The following MYH2 variants were observed in gnomAD, a reference collection of about 807,000 sequenced individuals.
MYH2 encodes myosin-2.
In MYH2, 139 loss-of-function variants were observed where a neutral mutation model predicts 228.1. That is an observed-to-expected ratio of 0.61 (90% CI 0.53 to 0.70). The LOEUF (loss-of-function observed/expected upper bound fraction) is 0.70. MYH2 is among the 30% of genes least tolerant of loss of function. The probability of loss-of-function intolerance (pLI) is 0.00; values close to 1 mark genes in which losing one functional copy is unlikely to be tolerated. For synonymous variants in MYH2, 796 were observed against 871.1 expected (o/e 0.91, Z 1.52); for missense variants, 1,809 against 2,357.5 (o/e 0.77, Z 4.82).
chr17:10,541,322 AGGGGGAGGT>A (rs2073551177), intron 10 of MYH2, among the ~76,000 whole-genome samples: 1 of 152,156 alleles, frequency 6.6e-6, no homozygotes, highest in African/African-American at 2.4e-5. Context: ...ATGCGTTCCT[AGGGGGAGGT>A]CTCTAAAATG....
intron 39 of MYH2, among the ~76,000 whole-genome samples, chr17:10,521,880 T>G (rs986664216): frequency 9.2e-5 from 14 of 152,170 alleles, no homozygotes; most frequent in African/African-American, 3.1e-4. Flanking sequence ...AAATGGTTAC[T>G]TTTTTCCTCC....
chr17:10,526,698 A>T lies in MYH2; in HGVS notation c.4088T>A (p.Leu1363Gln). The stretch of plus-strand genomic sequence containing the variant: ...GTTGGCCTTGGACAGTGCTCTCTGC[A>T]GCTCGGCCTTGGATTCCTGCTCCTC... ...YEEEQESKAELQRALSKANTE... is the reference protein window; with the variant it reads ...YEEEQESKAEQQRALSKANTE... The change falls in exon 30 of 40, where the codon CTG becomes CAG. Residue 1363 changes from leucine (L) to glutamine (Q), a missense_variant. Coordinates refer to ENST00000245503, the MANE Select transcript of MYH2 (RefSeq NM_017534.6). 6.2e-7 allele frequency: 1 copy of T among 1,614,148 alleles called. No individual in the cohort carries two copies. The highest frequency in any genetic ancestry group is 8.5e-7 in the Non-Finnish European group (1 of 1,179,968).
chr17:10,538,277 T>C (rs1441460463), intron 14 of MYH2, among the ~76,000 whole-genome samples: 1 of 150,184 alleles, frequency 6.7e-6, no homozygotes, highest in Non-Finnish European at 1.5e-5. Context: ...AAGTGAACAA[T>C]AATTTGCCAC....
At position 10,525,010 on chromosome 17, in the gene MYH2, T is replaced by C. The variant is rs2073333007; in HGVS notation, c.4718A>G (p.Gln1573Arg). 1.2e-6 allele frequency: 2 copies of C among 1,614,024 alleles called. No homozygotes were observed. Among genetic ancestry groups the C allele is most frequent in the African/African-American group, 1.3e-5 (1 of 74,924 alleles). The change falls in exon 34 of 40, where the codon CAA becomes CGA. Residue 1573 changes from glutamine to arginine, a missense_variant. Coordinates refer to ENST00000245503, the MANE Select transcript of MYH2 (RefSeq NM_017534.6). The surrounding 1 kb of genome is among the most constrained non-coding windows in gnomAD (Gnocchi z 4.2). ...TTTCCTATCAACCTCAGACTTGACT[T>C]GGTTCAACTCAAGCTGGATGCGCAG... is the stretch of plus-strand genomic sequence containing the variant. ...KILRIQLELN[Q>R]VKSEVDRKIA...
Position 10,529,997 on chromosome 17 carries a change from G to C in MYH2, c.2775C>G (p.Ile925Met), listed in dbSNP as rs568381131. The stretch of plus-strand genomic sequence containing the variant: ...CCTCAGCTCTCTCAGTCACCTCTTT[G>C]ATTTTGGCTTCTAGCTGGATTTTGG... ...IKTKIQLEAK[I>M]KEVTERAEDE... is the part of the protein sequence containing the mutation. Residue 925 changes from isoleucine (I) to methionine (M), a missense_variant, in exon 23 of 40, where the codon ATC (isoleucine) becomes ATG (methionine). Ile to Met is a conservative substitution (Grantham distance 10, BLOSUM62 1). Coordinates refer to ENST00000245503, the MANE Select transcript of MYH2 (RefSeq NM_017534.6). 9.3e-6 allele frequency: 15 copies of C among 1,614,018 alleles called. No individual in the cohort carries two copies. The South Asian group carries it at 1.4e-4, about 15-fold the overall frequency.
intron 11 of MYH2, 106 bp from the exon 12 acceptor site, chr17:10,540,172 G>C: frequency 6.7e-7 from 1 of 1,484,682 alleles, no homozygotes; most frequent in South Asian, 1.1e-5. Flanking sequence ...GTGCTAATGG[G>C]AGACAAGGAA....
intron 14 of MYH2, among the ~76,000 whole-genome samples, chr17:10,538,129 G>A (rs2073504823): frequency 6.6e-6 from 1 of 152,082 alleles, no homozygotes; most frequent in Non-Finnish European, 1.5e-5. Context: ...TAATCATCCT[G>A]TGTTTATTCC....
intron 4 of MYH2, among the ~76,000 whole-genome samples, chr17:10,546,929 G>GTAA (rs2073642127): frequency 7.0e-6 from 1 of 143,490 alleles, no homozygotes; most frequent in East Asian, 2.0e-4. Context: ...AAAAAAATAC[G>GTAA]AAAAAAAAAA....
At chr17:10,535,593 C>T (rs759417519) in intron 17 of MYH2, among the ~76,000 whole-genome samples, 2 of 152,212 alleles carry the variant, frequency 1.3e-5, no homozygotes, top group Non-Finnish European at 2.9e-5. Context: ...AGCATCCTGG[C>T]ATGTGCTTCT....
At position 10,547,813 on chromosome 17, in the gene MYH2, T is replaced by A; in HGVS notation, c.108A>T (p.Thr36=). 6.2e-7 allele frequency: 1 copy of A among 1,614,160 alleles called. No homozygotes were observed. The highest frequency in any genetic ancestry group is 8.5e-7 in the Non-Finnish European group (1 of 1,180,040). ...CTTTGGGCTCCGCCACAAAGACAGA[T>A]GTTTTGGCATCAAAGGGCCTATTCT... ...EAQNRPFDAK[T]SVFVAEPKES... Residue 36 remains threonine, a synonymous_variant, in exon 3 of 40, where the codon ACA becomes ACT. Transcript: ENST00000245503.
At chr17:10,540,555 C>T in intron 11 of MYH2, 39 bp downstream of exon 11, 1 of 1,478,524 alleles carries the variant, frequency 6.8e-7, no homozygotes, top group Non-Finnish European at 9.5e-7. Context: ...ATTACTCTGA[C>T]CCACCATAAT....
Position 10,543,894 on chromosome 17 carries a change from A to G in MYH2, c.648+8T>C. The stretch of plus-strand genomic sequence containing the variant: ...AGTCTGGATTCTGACTGTGACAATC[A>G]GACTCACCTGTATTTTGCCAGAAGT... On this transcript the variant is annotated splice_region_variant and intron_variant, in intron 7 of 39. Transcript: ENST00000245503. 1 of 1,614,208 alleles carries G rather than the reference A, an allele frequency of 6.2e-7. No individual in the cohort carries two copies. Among genetic ancestry groups the G allele is most frequent in the Non-Finnish European group, 8.5e-7 (1 of 1,180,014 alleles).
At position 10,524,025 on chromosome 17, in the gene MYH2, G is replaced by T; in HGVS notation, c.5176-141C>A. 1.3e-6 allele frequency: 1 copy of T among 787,320 alleles called. No homozygotes were observed. Among genetic ancestry groups the T allele is most frequent in the Non-Finnish European group, 2.0e-6 (1 of 509,060 alleles). 48.8% of individuals were successfully genotyped at this position (787,320 alleles called of 1,614,324 possible). A position where few individuals can be genotyped will look rare whatever the true frequency, so the allele number is the denominator to read the frequency against. The stretch of plus-strand genomic sequence containing the variant: ...TTAAAGAATTAAAGGATTGTGTTAT[G>T]TAATATGATTAAATAAAATATAAAT... On this transcript the variant is annotated intron_variant, in intron 35 of 39. Coordinates refer to ENST00000245503, the MANE Select transcript of MYH2 (RefSeq NM_017534.6). This position sits in a 1 kb window ranked among gnomAD's most constrained non-coding sequence, Gnocchi z 4.7.
chr17:10,522,021 A>T (rs1170375210), intron 39 of MYH2, among the ~76,000 whole-genome samples: 1 of 152,154 alleles, frequency 6.6e-6, no homozygotes, highest in East Asian at 1.9e-4. Context: ...TTAGTAATTT[A>T]TCTTTGCTGT....
In MYH2 at chr17:10,543,722, A is replaced by T; in HGVS notation, c.730T>A (p.Ser244Thr). The stretch of plus-strand genomic sequence containing the variant: ...TCCAAGAGACTTACAAAGCGAGAGG[A>T]GTTGTCATTCCTCACGGTCTTGGCG... ...GNAKTVRNDN[S>T]SRFGKFIRIH... Residue 244 changes from serine (S) to threonine (T), a missense_variant, in exon 8 of 40, where the codon TCC becomes ACC. Ser to Thr is a moderately conservative substitution (Grantham distance 58). Around this residue, in one of 9 missense-constraint regions of MYH2, gnomAD observed 373 missense variants for 620.4 expected, o/e 0.60. Coordinates refer to ENST00000245503, the MANE Select transcript of MYH2 (RefSeq NM_017534.6). The T allele has an allele frequency of 6.2e-7, 1 of 1,614,164 alleles. No individual in the cohort carries two copies. The highest frequency in any genetic ancestry group is 8.5e-7 in the Non-Finnish European group (1 of 1,180,006).
At chr17:10,535,650 T>C (rs1002449918) in intron 17 of MYH2, among the ~76,000 whole-genome samples, 17 of 152,192 alleles carry the variant, frequency 1.1e-4, no homozygotes, top group South Asian at 6.2e-4. Context: ...TCCCTGGCCA[T>C]ACACATACAT....
rs757189497 is a variant in MYH2, at chr17:10,525,486, A to G, written c.4502T>C (p.Leu1501Pro). The G allele has an allele frequency of 6.2e-7, 1 of 1,614,196 alleles. No homozygotes were observed. Among genetic ancestry groups the G allele is most frequent in the Non-Finnish European group, 8.5e-7 (1 of 1,180,026 alleles). Reference sequence around the variant, plus strand: ...TTTGTTCTCTCGCTTCAGGGTTTCTAGCTGATCCAAAGATTCCTCATAGGC... The same window carrying G: ...TTTGTTCTCTCGCTTCAGGGTTTCTGGCTGATCCAAAGATTCCTCATAGGC... ...KNAYEESLDQ[L>P]ETLKRENKNL... Residue 1501 changes from leucine (L) to proline (P), a missense_variant, in exon 32 of 40, where the codon CTA becomes CCA. This residue lies in a region of MYH2 where 636 missense variants were observed against 729.9 expected (regional missense o/e 0.87). Transcript: ENST00000245503. The surrounding 1 kb of genome is among the most constrained non-coding windows in gnomAD (Gnocchi z 4.2).
In MYH2 at chr17:10,525,908, T is replaced by C. The variant is rs375943542; in HGVS notation, c.4188-32A>G. On this transcript the variant is annotated intron_variant, in intron 30 of 39. Coordinates refer to ENST00000245503, the MANE Select transcript of MYH2 (RefSeq NM_017534.6). This position sits in a 1 kb window ranked among gnomAD's most constrained non-coding sequence, Gnocchi z 4.2. ...TATTATACATGTTTTCAGAGAGAAG[T>C]GAACCATAATATGAATTATGAGCTA... 5.6e-6 allele frequency: 9 copies of C among 1,607,276 alleles called. No homozygotes were observed. The African/African-American group carries it at 1.2e-4, about 21-fold the overall frequency.
At position 10,523,249 on chromosome 17, in the gene MYH2, T is replaced by C. The variant is rs1257542877; in HGVS notation, c.5577+59A>G. 6 of 1,605,548 alleles carry C rather than the reference T, an allele frequency of 3.7e-6. No individual in the cohort carries two copies. The South Asian group carries it at 5.5e-5, about 15-fold the overall frequency. On this transcript the variant is annotated intron_variant, in intron 38 of 39. Transcript: ENST00000245503. ...AGCACATGACTATTGCATCATTGCA[T>C]ATGAGTATTTCACATAAACTTCGAC... is the stretch of plus-strand genomic sequence containing the variant.
Sources: gnomAD v4.1 joint callset for allele counts (sites outside exome capture counted in the v4.1 genomes callset) on GRCh38, gnomAD v4.1.1 for gene constraint, gnomAD v4.1.1 regional missense constraint, Gnocchi (gnomAD v3.1) non-coding constraint, MANE v1.5 for transcripts, NCBI Gene and HGNC (gene_info 2026-07-23, HGNC 2026-07-21) for gene names.